Variants in EHBP1 observed in about 807,000 individuals in gnomAD.
EHBP1 encodes the protein EH domain binding protein 1, also known as EH domain-binding protein 1.
EHBP1 carries 55 observed loss-of-function variants against 144.0 expected under a neutral mutation model. That is an observed-to-expected ratio of 0.38 (90% CI 0.31 to 0.48). EHBP1 has a LOEUF of 0.48. EHBP1 is among the 20% of genes least tolerant of loss of function. EHBP1 has a pLI of 0.98. For synonymous variants in EHBP1, 469 were observed against 472.7 expected (o/e 0.99, Z 0.10); for missense variants, 1,200 against 1,364.2 (o/e 0.88, Z 1.90).
intron 7 of EHBP1, among the ~76,000 whole-genome samples, chr2:62,856,555 G>T (rs948751549): frequency 1.3e-5 from 2 of 152,202 alleles, no homozygotes; most frequent in African/African-American, 2.4e-5. Context: ...CCCTTGGTAG[G>T]CATGGGATCC....
chr2:62,777,226 C>G (rs2042111299), intron 5 of EHBP1, among the ~76,000 whole-genome samples: 1 of 152,188 alleles, frequency 6.6e-6, no homozygotes, highest in Non-Finnish European at 1.5e-5. Context: ...CCACCTCGGC[C>G]TCCCAGAGTG....
chr2:62,758,047 T>A (rs1573178446), intron 3 of EHBP1, among the ~76,000 whole-genome samples: 1 of 152,140 alleles, frequency 6.6e-6, no homozygotes, highest in East Asian at 1.9e-4. Context: ...CTCAGTTTAT[T>A]GCTCACTCTT....
chr2:62,993,748 A>AG (rs1162298496), intron 17 of EHBP1, 80 bp downstream of exon 17: 2 of 677,274 alleles, frequency 3.0e-6, no homozygotes, highest in East Asian at 4.4e-5. Context: ...TATATATAGT[A>AG]TATATATATA....
chr2:62,889,403 T>C (rs992010352), intron 10 of EHBP1, among the ~76,000 whole-genome samples: 4 of 152,190 alleles, frequency 2.6e-5, no homozygotes, highest in Non-Finnish European at 4.4e-5. Flanking sequence ...TTCAGTTTAA[T>C]TAAATCCCAT....
At chr2:63,012,453 A>AAT (rs2060307835) in intron 19 of EHBP1, among the ~76,000 whole-genome samples, 1 of 152,170 alleles carries the variant, frequency 6.6e-6, no homozygotes, top group African/African-American at 2.4e-5. Flanking sequence ...TATAATAGCT[A>AAT]ATAATAAAAA....
chr2:62,857,731 A>G (rs1458110286), intron 7 of EHBP1, among the ~76,000 whole-genome samples: 1 of 152,182 alleles, frequency 6.6e-6, no homozygotes, highest in Non-Finnish European at 1.5e-5. Flanking sequence ...TGTTCAAAAT[A>G]TAGATGACTC....
chr2:62,897,347 A>T (rs1389416909), intron 10 of EHBP1, among the ~76,000 whole-genome samples: 1 of 152,222 alleles, frequency 6.6e-6, no homozygotes, highest in African/African-American at 2.4e-5. Flanking sequence ...TAATTTATTT[A>T]GCCAATTACT....
intron 11 of EHBP1, 108 bp downstream of exon 11, chr2:62,943,004 A>T (rs2056850774): frequency 1.2e-6 from 1 of 825,510 alleles, no homozygotes; most frequent in Non-Finnish European, 1.8e-6. Flanking sequence ...TATTTGTTTT[A>T]TTACCCCACC....
intron 21 of EHBP1, among the ~76,000 whole-genome samples, chr2:63,040,013 C>CA (rs1450994002): frequency 6.6e-6 from 1 of 151,792 alleles, no homozygotes; most frequent in Non-Finnish European, 1.5e-5. Flanking sequence ...TGAAACGTGC[C>CA]ATTGAAATAA....
intron 10 of EHBP1, among the ~76,000 whole-genome samples, chr2:62,931,553 A>C (rs1193821805): frequency 6.6e-6 from 1 of 152,136 alleles, no homozygotes; most frequent in Non-Finnish European, 1.5e-5. Context: ...TAGCACCTCC[A>C]CCCCATTATT....
rs781499007 is a variant in EHBP1 at position 62,988,061 on chromosome 2, T to A, written c.2609-2655T>A. ...CCGGTAATTTCAAATTATAAATGTT[T>A]TGTGTCCTGCTGCATGGCAAACTTT... On this transcript the variant is annotated intron_variant, in intron 15 of 22. Transcript: ENST00000431489. The A allele has an allele frequency of 5.8e-6, 8 of 1,372,748 alleles. 1 individual carries two copies. The South Asian group carries it at 9.6e-5, about 16-fold the overall frequency. 85.0% of individuals were successfully genotyped at this position (1,372,748 alleles called of 1,614,324 possible). A position where few individuals can be genotyped will look rare whatever the true frequency, so the allele number is the denominator to read the frequency against.
At chr2:62,791,267 A>T (rs534128475) in intron 5 of EHBP1, among the ~76,000 whole-genome samples, 71 of 152,096 alleles carry the variant, frequency 4.7e-4, no homozygotes, top group African/African-American at 1.6e-3. Flanking sequence ...GAAAAATTGA[A>T]TTTTTTAAAG....
rs955880915 is a variant in EHBP1 at position 63,045,778 on chromosome 2, T to G, written c.*278T>G. On this transcript the variant is annotated 3_prime_UTR_variant, in exon 23 of 23. Coordinates refer to ENST00000431489, the MANE Select transcript of EHBP1 (RefSeq NM_001142616.3). This position sits in a 1 kb window ranked among gnomAD's most constrained non-coding sequence, Gnocchi z 5.7. ...CAGACACCTTGTGAGTGATTGGTATTGGAGGTGTTCAAGAAACTGTTCGAA... is the reference window on the plus strand; with the variant it reads ...CAGACACCTTGTGAGTGATTGGTATGGGAGGTGTTCAAGAAACTGTTCGAA... 2.9e-5 allele frequency: 9 copies of G among 312,822 alleles called. No homozygotes were observed. Among genetic ancestry groups the G allele is most frequent in the Admixed American group, 1.4e-4 (3 of 21,470 alleles). The allele number at this position is 312,822 out of a possible 1,614,324, so 19.4% of individuals were successfully genotyped here.
chr2:62,894,927 A>AAGAGAGAGAGAGAGAGAGAGAGAGAG (rs57403564), intron 10 of EHBP1, among the ~76,000 whole-genome samples: 6 of 141,110 alleles, frequency 4.3e-5, no homozygotes, highest in African/African-American at 1.6e-4. Flanking sequence ...AACAGAAAGA[A>AAGAGAGAGAGAGAGAGAGAGAGAGAG]AGAGAGAGAG....
At chr2:62,929,815 C>T (rs1249774756) in intron 10 of EHBP1, among the ~76,000 whole-genome samples, 1 of 151,574 alleles carries the variant, frequency 6.6e-6, no homozygotes, top group Non-Finnish European at 1.5e-5. Flanking sequence ...ATAAAAAACA[C>T]TATAAAGATT....
intron 2 of EHBP1, among the ~76,000 whole-genome samples, chr2:62,717,953 G>T (rs1300409025): frequency 6.6e-6 from 1 of 152,034 alleles, no homozygotes; most frequent in Non-Finnish European, 1.5e-5. Flanking sequence ...GTTTATTGGC[G>T]GCCAAGGCAA....
At chr2:62,921,013 TAAAC>T (rs2055034608) in intron 10 of EHBP1, among the ~76,000 whole-genome samples, 1 of 152,196 alleles carries the variant, frequency 6.6e-6, no homozygotes, top group Non-Finnish European at 1.5e-5. Context: ...TCTGTTTGGA[TAAAC>T]AGTGTGTAAA....
chr2:62,864,287 G>C (rs963980290), intron 8 of EHBP1, among the ~76,000 whole-genome samples: 1 of 152,148 alleles, frequency 6.6e-6, no homozygotes, highest in Non-Finnish European at 1.5e-5. Context: ...TGGCACTACA[G>C]GTGTGCACCA....
At chr2:62,799,266 T>C (rs1229357049) in intron 5 of EHBP1, among the ~76,000 whole-genome samples, 1 of 152,178 alleles carries the variant, frequency 6.6e-6, no homozygotes, top group African/African-American at 2.4e-5. Flanking sequence ...TGTTAGTAAT[T>C]TGAAATGTTG....
Sources: allele counts gnomAD v4.1 joint callset (sites outside exome capture counted in the v4.1 genomes callset), GRCh38; gene constraint gnomAD v4.1.1; non-coding constraint Gnocchi (gnomAD v3.1); transcripts MANE v1.5; gene names NCBI Gene and HGNC (gene_info 2026-07-23, HGNC 2026-07-21).